Variants in PEX13 observed in about 807,000 individuals in gnomAD.
PEX13 encodes peroxisome biogenesis factor 13.
A neutral mutation model predicts 34.5 loss-of-function variants in PEX13; 28 were observed. The ratio of observed to expected loss-of-function variants is 0.81; its 90% CI spans 0.60 to 1.11. The LOEUF is 1.11. Ranked by LOEUF, PEX13 falls within the 50% of genes most tolerant of loss-of-function variation. PEX13 has a pLI of 0.00. For missense variants in PEX13, 550 were observed against 491.0 expected (o/e 1.12, Z -1.13); for synonymous variants, 177 against 175.1 (o/e 1.01, Z -0.09).
chr2:61,048,422 G>A (rs1680743023), intron 3 of PEX13, 50 bp from the exon 4 acceptor site: 1 of 1,453,690 alleles, frequency 6.9e-7, no homozygotes, highest in Non-Finnish European at 9.6e-7. Flanking sequence ...CTATTCTGTT[G>A]GACCTCCAAA....
chr2:61,047,971 G>A (rs1680730277), intron 3 of PEX13, among the ~76,000 whole-genome samples: 1 of 152,116 alleles, frequency 6.6e-6, no homozygotes, highest in African/African-American at 2.4e-5. Context: ...GCCCATCTTG[G>A]ATTGAAATTA....
At chr2:61,018,095 T>A (rs953883206) in intron 1 of PEX13, 5 of 1,539,636 alleles carry the variant, frequency 3.2e-6, no homozygotes, top group Admixed American at 2.0e-5. Flanking sequence ...GGCGTCTCTC[T>A]GGGTCTCTGT....
In PEX13 at chr2:61,049,180, G is replaced by A. The variant is rs1243420456; in HGVS notation, c.*410G>A. ...ATGGAGTGGTGACATGTCAGTATGA[G>A]AACAGGCAAAAGGTAAATTTTTTTT... On this transcript the variant is annotated 3_prime_UTR_variant, in exon 4 of 4. Transcript: ENST00000295030. The A allele has an allele frequency of 1.2e-5, 2 of 166,754 alleles. No individual in the cohort carries two copies. Among genetic ancestry groups the A allele is most frequent in the Non-Finnish European group, 1.3e-5 (1 of 76,630 alleles). The allele number at this position is 166,754 out of a possible 1,614,324, so 10.3% of individuals were successfully genotyped here. A position where few individuals can be genotyped will look rare whatever the true frequency, so the allele number is the denominator to read the frequency against.
At chr2:61,018,352 A>G in intron 1 of PEX13, 5 of 1,504,312 alleles carry the variant, frequency 3.3e-6, no homozygotes, top group Admixed American at 2.1e-5. Context: ...CTTTTCCAGC[A>G]TAACTCAGCC....
chr2:61,029,320 A>G lies in PEX13; in HGVS notation c.93-2099A>G, dbSNP rs183494265. Among the ~76,000 whole-genome samples the G allele has an allele frequency of 5.3e-5, 8 of 152,298 alleles. No individual in the cohort carries two copies. The East Asian group carries it at 1.3e-3, about 26-fold the overall frequency. ...CCACCTCACGCCCACTAGGATAGCT[A>G]TAATGAAAAATATAAGAGCAGATGT... On this transcript the variant is annotated intron_variant, in intron 1 of 3. Transcript: ENST00000295030.
In PEX13 at chr2:61,017,849, C is replaced by T; in HGVS notation, c.90C>T (p.Phe30=). ...CGGGACCAGGACCGGGCCCCACTTT[C>T]CAGTGAGTGTGGGATTCTTCAGGCT... is the stretch of plus-strand genomic sequence containing the variant. The part of the protein sequence containing the change: ...AGPGPGPGPT[F]QSADLGPTLM... The change falls in exon 1 of 4, where the codon TTC becomes TTT. Residue 30 remains phenylalanine (F), a splice_region_variant and synonymous_variant. Transcript: ENST00000295030. 8 of 1,550,384 alleles carry T rather than the reference C, an allele frequency of 5.2e-6. No individual in the cohort carries two copies. The highest frequency in any genetic ancestry group is 7.0e-6 in the Non-Finnish European group (8 of 1,146,686).
chr2:61,024,365 T>C (rs1680314842), intron 1 of PEX13, among the ~76,000 whole-genome samples: 1 of 152,214 alleles, frequency 6.6e-6, no homozygotes, highest in South Asian at 2.1e-4. Context: ...TCAACTTGCA[T>C]ATATACCCCA....
At chr2:61,032,598 A>G (rs1458011896) in intron 2 of PEX13, among the ~76,000 whole-genome samples, 1 of 152,222 alleles carries the variant, frequency 6.6e-6, no homozygotes, top group African/African-American at 2.4e-5. Context: ...TTTGCAAGTG[A>G]TAAAACTGAG....
intron 2 of PEX13, among the ~76,000 whole-genome samples, chr2:61,038,992 C>A (rs1014339173): frequency 9.2e-5 from 14 of 152,108 alleles, no homozygotes; most frequent in Admixed American, 9.2e-4. Context: ...CTCCCATTCA[C>A]AATTACTACA....
chr2:61,023,402 G>GACAC (rs70959888), intron 1 of PEX13, among the ~76,000 whole-genome samples: 4,062 of 146,728 alleles, frequency 0.028, 88 homozygotes, highest in East Asian at 0.076. Context: ...GGAATATACA[G>GACAC]ACACACACAC....
intron 1 of PEX13, among the ~76,000 whole-genome samples, chr2:61,020,815 C>T (rs1052977213): frequency 4.0e-5 from 6 of 151,870 alleles, no homozygotes; most frequent in African/African-American, 1.2e-4. Flanking sequence ...CCACTCCGCC[C>T]AGCTAATTTT....
intron 1 of PEX13, chr2:61,018,133 A>T: frequency 6.5e-7 from 1 of 1,549,474 alleles, no homozygotes; most frequent in Non-Finnish European, 8.7e-7. Flanking sequence ...GCGGCTTCCT[A>T]CCTACCGCTT....
Position 61,018,349 on chromosome 2 carries a change from A to G in PEX13, c.92+498A>G. ...CCCCGTACACTTTGCATTCTTTTCC[A>G]GCATAACTCAGCCAGTGTTTCGGAT... On this transcript the variant is annotated intron_variant, in intron 1 of 3. Transcript: ENST00000295030. 3 of 1,504,276 alleles carry G rather than the reference A, an allele frequency of 2.0e-6. No homozygotes were observed. The Admixed American group carries it at 6.4e-5, about 32-fold the overall frequency. 93.2% of individuals were successfully genotyped at this position (1,504,276 alleles called of 1,614,324 possible). A position where few individuals can be genotyped will look rare whatever the true frequency, so the allele number is the denominator to read the frequency against.
chr2:61,025,664 C>T (rs59372646), intron 1 of PEX13, among the ~76,000 whole-genome samples: 1,564 of 152,016 alleles, frequency 0.01, 36 homozygotes, highest in African/African-American at 0.035. Flanking sequence ...CAGCCAAGCC[C>T]GTTTATTTTT....
At chr2:61,018,350 G>T in intron 1 of PEX13, 4 of 1,501,940 alleles carry the variant, frequency 2.7e-6, no homozygotes, top group Non-Finnish European at 3.6e-6. Flanking sequence ...TTCTTTTCCA[G>T]CATAACTCAG....
Position 61,031,751 on chromosome 2 carries a change from C to T in PEX13, c.425C>T (p.Ser142Phe). The T allele has an allele frequency of 6.2e-7, 1 of 1,614,100 alleles. No individual in the cohort carries two copies. The highest frequency in any genetic ancestry group is 1.7e-5 in the Admixed American group (1 of 60,026). The change falls in exon 2 of 4, where the codon TCT becomes TTT. Residue 142 changes from serine to phenylalanine, a missense_variant. Transcript: ENST00000295030. ...SIESIVHAFA[S>F]VSMMMDATFS... is the part of the protein sequence containing the mutation. ...GAAAGTATTGTGCATGCATTTGCCT[C>T]TGTCAGTATGATGATGGATGCTACC...
chr2:61,026,481 G>A (rs1313285802), intron 1 of PEX13, among the ~76,000 whole-genome samples: 1 of 151,418 alleles, frequency 6.6e-6, no homozygotes, highest in Non-Finnish European at 1.5e-5. Context: ...CCGAGGAGCT[G>A]AGATTACAGG....
rs144300539 is a variant in PEX13, at chr2:61,048,628, A to G, written c.1070A>G (p.Asn357Ser). 5.6e-6 allele frequency: 9 copies of G among 1,614,004 alleles called. No homozygotes were observed. Among genetic ancestry groups the G allele is most frequent in the Non-Finnish European group, 7.6e-6 (9 of 1,179,996 alleles). Residue 357 changes from asparagine (N) to serine (S), a missense_variant, in exon 4 of 4, where the codon AAC (asparagine) becomes AGC (serine). Transcript: ENST00000295030. ...KVSKQQQSFTNPTLTKGATVA... is the reference protein window; with the variant it reads ...KVSKQQQSFTSPTLTKGATVA... Reference sequence around the variant, plus strand: ...TCCAAGCAGCAACAATCTTTTACCAACCCAACACTAACTAAAGGAGCCACG... The same window carrying G: ...TCCAAGCAGCAACAATCTTTTACCAGCCCAACACTAACTAAAGGAGCCACG...
At chr2:61,035,983 TAAA>T (rs1200600005) in intron 2 of PEX13, among the ~76,000 whole-genome samples, 1 of 98,354 alleles carries the variant, frequency 1.0e-5, no homozygotes, top group Non-Finnish European at 2.1e-5. Context: ...AACTCCATCT[TAAA>T]AAAAAAAAAA....
Sources: allele counts gnomAD v4.1 joint callset (sites outside exome capture counted in the v4.1 genomes callset), GRCh38; gene constraint gnomAD v4.1.1; transcripts MANE v1.5; gene names NCBI Gene and HGNC (gene_info 2026-07-23, HGNC 2026-07-21).